Variants in EML6 observed in about 807,000 individuals in gnomAD.
EML6 encodes EMAP like 6, also known as echinoderm microtubule-associated protein-like 6.
Under a neutral mutation model 240.1 loss-of-function variants are expected in EML6, and 154 were observed. The observed-to-expected ratio is 0.64, with a 90% CI of 0.56 to 0.73. The LOEUF is 0.73. Ranked by LOEUF, EML6 falls within the 30% of genes least tolerant of loss-of-function variation. The probability of loss-of-function intolerance (pLI) is 0.00; values close to 1 mark genes in which losing one functional copy is unlikely to be tolerated. For synonymous variants in EML6, 1,148 were observed against 899.0 expected (o/e 1.28, Z -4.95); for missense variants, 2,964 against 2,474.6 (o/e 1.20, Z -4.20).
At chr2:54,909,296 T>C (rs922483103) in intron 24 of EML6, among the ~76,000 whole-genome samples, 2 of 152,244 alleles carry the variant, frequency 1.3e-5, no homozygotes, top group African/African-American at 4.8e-5. Flanking sequence ...TGGTTACTCA[T>C]TTTCTTATAA....
rs142126428 is a variant in EML6 at position 54,847,679 on chromosome 2, A to G, written c.1187+56A>G. On this transcript the variant is annotated intron_variant, in intron 9 of 41. Transcript: ENST00000356458. Reference sequence around the variant, plus strand: ...AAATGCTCTCGTGTTAAATGTTACAATTTTCCTGGTCATAATACATGCTAG... The same window carrying G: ...AAATGCTCTCGTGTTAAATGTTACAGTTTTCCTGGTCATAATACATGCTAG... The G allele has an allele frequency of 7.7e-4, 1,182 of 1,536,278 alleles. 18 individuals carry two copies. The African/African-American group carries it at 0.015, about 19-fold the overall frequency.
chr2:54,783,475 T>C (rs1050050715), intron 2 of EML6, among the ~76,000 whole-genome samples: 3 of 152,226 alleles, frequency 2.0e-5, no homozygotes, highest in African/African-American at 7.2e-5. Flanking sequence ...TTTTCATATC[T>C]GGAACAAAGC....
At chr2:54,930,580 G>T (rs1477897065) in intron 28 of EML6, among the ~76,000 whole-genome samples, 13 of 151,946 alleles carry the variant, frequency 8.6e-5, no homozygotes, top group Non-Finnish European at 1.8e-4. Flanking sequence ...AGGCAGTTCA[G>T]TAGTTTACTG....
chr2:54,911,299 A>G (rs1369155142), intron 25 of EML6, among the ~76,000 whole-genome samples: 1 of 152,218 alleles, frequency 6.6e-6, no homozygotes, highest in African/African-American at 2.4e-5. Flanking sequence ...ATAAGCTAGC[A>G]ATTTGGATGT....
At chr2:54,840,107 A>C (rs572128558) in intron 7 of EML6, among the ~76,000 whole-genome samples, 1 of 152,314 alleles carries the variant, frequency 6.6e-6, no homozygotes, top group Admixed American at 6.5e-5. Flanking sequence ...TACAGCATTA[A>C]ATCCTTTCTG....
intron 26 of EML6, among the ~76,000 whole-genome samples, chr2:54,925,605 T>A (rs549521838): frequency 6.6e-6 from 1 of 152,180 alleles, no homozygotes; most frequent in Non-Finnish European, 1.5e-5. Context: ...ACAAGTATCT[T>A]TATTAATATT....
chr2:54,921,217 A>AC (rs35698276), intron 26 of EML6, among the ~76,000 whole-genome samples: 19 of 151,844 alleles, frequency 1.3e-4, no homozygotes, highest in East Asian at 5.8e-4. Flanking sequence ...AACCCTAAAG[A>AC]CCCCCCCAAA....
chr2:54,963,310 GCTAGA>G (rs1205506131), intron 36 of EML6, among the ~76,000 whole-genome samples: 3 of 152,208 alleles, frequency 2.0e-5, no homozygotes, highest in African/African-American at 7.2e-5. Context: ...GAGTATGGTT[GCTAGA>G]CTTTTAAGTT....
At chr2:54,793,630 C>A (rs1246712334) in intron 2 of EML6, among the ~76,000 whole-genome samples, 1 of 152,158 alleles carries the variant, frequency 6.6e-6, no homozygotes, top group East Asian at 1.9e-4. Flanking sequence ...TCTTCCCTTC[C>A]TTAGCAACAG....
chr2:54,737,630 A>G (rs903505132), intron 2 of EML6, among the ~76,000 whole-genome samples: 2 of 152,106 alleles, frequency 1.3e-5, no homozygotes, highest in Non-Finnish European at 2.9e-5. Context: ...AAGACCTCTT[A>G]CCCACTGCCT....
chr2:54,783,375 T>G (rs1290631686), intron 2 of EML6, among the ~76,000 whole-genome samples: 1 of 152,218 alleles, frequency 6.6e-6, no homozygotes. Context: ...AAATTTTCCC[T>G]TTAGCTAGTG....
chr2:54,825,659 C>T (rs758403229), intron 5 of EML6, among the ~76,000 whole-genome samples: 4 of 152,138 alleles, frequency 2.6e-5, no homozygotes, highest in Non-Finnish European at 4.4e-5. Context: ...GAAGAGAATC[C>T]GATTTGGTCC....
chr2:54,861,140 C>T (rs1670649238), intron 12 of EML6, among the ~76,000 whole-genome samples: 2 of 152,168 alleles, frequency 1.3e-5, no homozygotes. Context: ...ACAGGGCAAA[C>T]ATATAATAGC....
At chr2:54,927,908 C>T (rs745458438) in intron 26 of EML6, among the ~76,000 whole-genome samples, 6 of 152,200 alleles carry the variant, frequency 3.9e-5, no homozygotes, top group East Asian at 3.8e-4. Flanking sequence ...GACTGTAGTA[C>T]AAAAGTCACT....
rs1183268121 is a variant in EML6 at position 54,954,162 on chromosome 2, C to A, written c.4486+6C>A. On this transcript the variant is annotated splice_donor_region_variant and intron_variant, in intron 32 of 41. Transcript: ENST00000356458. ...TGTCTGGCGATGGCAGGAAGGTAAACCAGCACTGGGCTTTCTGTCCCTCCA... is the reference window on the plus strand; with the variant it reads ...TGTCTGGCGATGGCAGGAAGGTAAAACAGCACTGGGCTTTCTGTCCCTCCA... 3.9e-6 allele frequency: 6 copies of A among 1,549,942 alleles called. No homozygotes were observed. In the Admixed American group the frequency reaches 5.9e-5, roughly 15 times the overall value.
intron 2 of EML6, among the ~76,000 whole-genome samples, chr2:54,809,157 G>A (rs1303477940): frequency 1.3e-5 from 2 of 152,166 alleles, no homozygotes. Flanking sequence ...TTTTAATATT[G>A]TGACAGTGCT....
intron 2 of EML6, among the ~76,000 whole-genome samples, chr2:54,746,939 T>C (rs1416674551): frequency 6.6e-6 from 1 of 152,088 alleles, no homozygotes; most frequent in Non-Finnish European, 1.5e-5. Context: ...ATCCCAGGAG[T>C]GTTTTTTACT....
chr2:54,812,135 A>G (rs1667878031), intron 2 of EML6, among the ~76,000 whole-genome samples: 1 of 152,110 alleles, frequency 6.6e-6, no homozygotes, highest in South Asian at 2.1e-4. Context: ...TGTACCGGGC[A>G]CTCTGCTAAG....
At chr2:54,924,610 G>T (rs911489378) in intron 26 of EML6, among the ~76,000 whole-genome samples, 1 of 152,174 alleles carries the variant, frequency 6.6e-6, no homozygotes, top group Non-Finnish European at 1.5e-5. Context: ...TGCCCAGGCT[G>T]CAGTGCAATG....
Sources: gnomAD v4.1 joint callset for allele counts (sites outside exome capture counted in the v4.1 genomes callset) on GRCh38, gnomAD v4.1.1 for gene constraint, MANE v1.5 for transcripts, NCBI Gene and HGNC (gene_info 2026-07-23, HGNC 2026-07-21) for gene names.